Variants in WWC1 observed in about 807,000 individuals in gnomAD.
The protein encoded by WWC1 is protein KIBRA.
WWC1 carries 55 observed loss-of-function variants against 138.4 expected under a neutral mutation model. The observed-to-expected ratio is 0.40, with a 90% CI of 0.32 to 0.50. The LOEUF (loss-of-function observed/expected upper bound fraction) is 0.50, where lower values mean the gene tolerates loss of function less well. WWC1 is among the 20% of genes least tolerant of loss of function. The pLI is 0.72. For missense variants in WWC1, 1,226 were observed against 1,420.4 expected (o/e 0.86, Z 2.20); for synonymous variants, 524 against 564.9 (o/e 0.93, Z 1.03).
In WWC1 at chr5:168,469,150, A is replaced by C. The variant is rs1757556992; in HGVS notation, c.*133A>C. 9.5e-7 allele frequency: 1 copy of C among 1,057,206 alleles called. No individual in the cohort carries two copies. Among genetic ancestry groups the C allele is most frequent in the Non-Finnish European group, 1.4e-6 (1 of 719,326 alleles). The allele number at this position is 1,057,206 out of a possible 1,614,324, so 65.5% of individuals were successfully genotyped here. On this transcript the variant is annotated 3_prime_UTR_variant, in exon 23 of 23. Coordinates refer to ENST00000265293, the MANE Select transcript of WWC1 (RefSeq NM_015238.3). ...AGTGCTCTTGTTGGTTTGAAGATGA[A>C]CCGACTTTTTAGTTTGGGTCCTACT...
chr5:168,388,352 C>T (rs1204233407), intron 3 of WWC1, among the ~76,000 whole-genome samples: 1 of 151,686 alleles, frequency 6.6e-6, no homozygotes, highest in Non-Finnish European at 1.5e-5. Flanking sequence ...TGAATTAGAG[C>T]CTGAAATGGG....
chr5:168,293,861 G>T (rs1018171593), intron 1 of WWC1, among the ~76,000 whole-genome samples: 1 of 152,188 alleles, frequency 6.6e-6, no homozygotes, highest in African/African-American at 2.4e-5. Flanking sequence ...TTCTTCACCA[G>T]CTCTGAAGTT....
intron 1 of WWC1, among the ~76,000 whole-genome samples, chr5:168,322,908 C>T (rs535706254): frequency 1.4e-3 from 220 of 152,290 alleles, no homozygotes; most frequent in African/African-American, 4.8e-3. Flanking sequence ...CAAAACAAAA[C>T]TCAACATTCT....
rs948618667 is a variant in WWC1 at position 168,469,348 on chromosome 5, C to T, written c.*331C>T. 3 of 282,068 alleles carry T rather than the reference C, an allele frequency of 1.1e-5. No individual in the cohort carries two copies. Among genetic ancestry groups the T allele is most frequent in the South Asian group, 6.1e-5 (1 of 16,444 alleles). 17.5% of individuals were successfully genotyped at this position (282,068 alleles called of 1,614,324 possible). A position where few individuals can be genotyped will look rare whatever the true frequency, so the allele number is the denominator to read the frequency against. ...ATTGAGTTGCTGCTCTTCTTAAAAT[C>T]GTTTAGATTTTTTTTGGTTTGTACA... On this transcript the variant is annotated 3_prime_UTR_variant, in exon 23 of 23. Transcript: ENST00000265293.
chr5:168,461,198 G>A (rs186333997), intron 20 of WWC1, among the ~76,000 whole-genome samples: 8 of 152,280 alleles, frequency 5.3e-5, no homozygotes, highest in Middle Eastern at 3.4e-3. Context: ...GCGTGGTAGC[G>A]TGTACCTGTA....
intron 1 of WWC1, among the ~76,000 whole-genome samples, chr5:168,310,113 C>G (rs978680197): frequency 3.9e-5 from 6 of 152,164 alleles, no homozygotes; most frequent in Admixed American, 3.9e-4. Flanking sequence ...CTAAGCATCT[C>G]ATATTTTGCC....
chr5:168,449,643 G>A (rs547356212), intron 17 of WWC1, among the ~76,000 whole-genome samples: 1 of 143,360 alleles, frequency 7.0e-6, no homozygotes, highest in Non-Finnish European at 1.5e-5. Context: ...GTGCGATCTC[G>A]GCTCACTGTG....
intron 15 of WWC1, 101 bp downstream of exon 15, chr5:168,431,545 T>C: frequency 3.7e-6 from 5 of 1,338,148 alleles, no homozygotes; most frequent in Non-Finnish European, 4.0e-6. Context: ...TACCCTGAGC[T>C]TCAGGAAGAA....
At chr5:168,351,500 G>A (rs1297517098) in intron 1 of WWC1, among the ~76,000 whole-genome samples, 1 of 152,176 alleles carries the variant, frequency 6.6e-6, no homozygotes, top group Non-Finnish European at 1.5e-5. Context: ...CACTCTAGGA[G>A]GCGAGAGAAG....
chr5:168,405,629 G>A (rs1582180717), intron 5 of WWC1, among the ~76,000 whole-genome samples: 1 of 152,034 alleles, frequency 6.6e-6, no homozygotes, highest in South Asian at 2.1e-4. Context: ...CTGATGTTTA[G>A]AGGACTGTGA....
At chr5:168,304,955 A>C (rs1431783247) in intron 1 of WWC1, among the ~76,000 whole-genome samples, 1 of 151,426 alleles carries the variant, frequency 6.6e-6, no homozygotes, top group African/African-American at 2.4e-5. Flanking sequence ...CTTCCCGAGT[A>C]GCTGGGATTA....
chr5:168,296,712 A>G (rs1179492192), intron 1 of WWC1, among the ~76,000 whole-genome samples: 1 of 152,190 alleles, frequency 6.6e-6, no homozygotes, highest in Non-Finnish European at 1.5e-5. Context: ...AGGTACAATT[A>G]TTACCCACCT....
chr5:168,378,900 G>C (rs1029898059), intron 2 of WWC1, among the ~76,000 whole-genome samples: 14 of 152,212 alleles, frequency 9.2e-5, no homozygotes, highest in Non-Finnish European at 5.9e-5. Flanking sequence ...GGAAAATGCA[G>C]TATTGTTAGC....
At chr5:168,295,383 G>A (rs189062443) in intron 1 of WWC1, among the ~76,000 whole-genome samples, 145 of 152,170 alleles carry the variant, frequency 9.5e-4, no homozygotes, top group African/African-American at 3.2e-3. Flanking sequence ...ACTTATTCCG[G>A]GGGGTGGTGG....
At chr5:168,423,448 G>A in intron 10 of WWC1, 85 bp from the exon 11 acceptor site, 1 of 1,431,782 alleles carries the variant, frequency 7.0e-7, no homozygotes, top group Non-Finnish European at 9.4e-7. Flanking sequence ...GTGAGATCAT[G>A]GTGCTTTCCA....
intron 1 of WWC1, among the ~76,000 whole-genome samples, chr5:168,310,982 G>A (rs1771023299): frequency 1.3e-5 from 2 of 152,188 alleles, no homozygotes; most frequent in South Asian, 2.1e-4. Flanking sequence ...ATAAAGTAAA[G>A]CACTTTGCAG....
intron 1 of WWC1, among the ~76,000 whole-genome samples, chr5:168,320,957 C>T (rs778213191): frequency 1.3e-5 from 2 of 152,154 alleles, no homozygotes; most frequent in Non-Finnish European, 2.9e-5. Flanking sequence ...CAGCCAGTAA[C>T]GATTAGAGCC....
rs774422436 is a variant in WWC1, at chr5:168,385,399, G to T, written c.418G>T (p.Gly140Cys). ...GCATGCCGTCTGGGAGCATAAGCTG[G>T]GCTCCCAGGTCAGCTGTGAGTACCT... ...QLHAVWEHKLGSQVSLVSGSS... is the reference protein window; with the variant it reads ...QLHAVWEHKLCSQVSLVSGSS... Residue 140 changes from glycine to cysteine, a missense_variant, in exon 3 of 23, where the codon GGC (glycine) becomes TGC (cysteine). Physicochemically the swap from Gly to Cys is radical, Grantham distance 159. This residue lies in a region of WWC1 where 1,016 missense variants were observed against 1,153.9 expected (regional missense o/e 0.88). Coordinates refer to ENST00000265293, the MANE Select transcript of WWC1 (RefSeq NM_015238.3). 1.1e-5 allele frequency: 17 copies of T among 1,613,492 alleles called. No homozygotes were observed. In the Admixed American group the frequency reaches 1.3e-4, roughly 13 times the overall value.
chr5:168,467,385 C>T (rs973971820), intron 21 of WWC1, among the ~76,000 whole-genome samples: 1 of 152,170 alleles, frequency 6.6e-6, no homozygotes, highest in Non-Finnish European at 1.5e-5. Context: ...TGTTTACATA[C>T]GTTTACATTA....
Sources: allele counts gnomAD v4.1 joint callset (sites outside exome capture counted in the v4.1 genomes callset), GRCh38; gene constraint gnomAD v4.1.1; regional missense constraint gnomAD v4.1.1; transcripts MANE v1.5; gene names NCBI Gene and HGNC (gene_info 2026-07-23, HGNC 2026-07-21).